RNF103: variants seen among roughly 807,000 people sequenced by gnomAD.
RNF103 encodes the protein E3 ubiquitin-protein ligase RNF103.
RNF103 carries 23 observed loss-of-function variants against 66.2 expected under a neutral mutation model. The ratio of observed to expected loss-of-function variants is 0.35; its 90% CI spans 0.25 to 0.49. The LOEUF (loss-of-function observed/expected upper bound fraction) is 0.49. RNF103 is among the 20% of genes least tolerant of loss of function. The pLI is 0.98. For synonymous variants in RNF103, 297 were observed against 289.9 expected (o/e 1.02, Z -0.25); for missense variants, 730 against 814.7 (o/e 0.90, Z 1.27).
In RNF103 at chr2:86,605,178, T is replaced by C. The variant is rs1678498522; in HGVS notation, c.723A>G (p.Ala241=). The C allele has an allele frequency of 6.2e-7, 1 of 1,613,810 alleles. No individual in the cohort carries two copies. The highest frequency in any genetic ancestry group is 8.5e-7 in the Non-Finnish European group (1 of 1,180,040). ...DQYWLKIYLF[A]NLDQPPAFFS... ...AGAAAGCTGGGGGCTGGTCAAGGTT[T>C]GCAAATAGGTATATTTTTAACCAAT... The change falls in exon 4 of 4, where the codon GCA becomes GCG. Residue 241 remains alanine, a synonymous_variant. Coordinates refer to ENST00000237455, the MANE Select transcript of RNF103 (RefSeq NM_005667.4).
chr2:86,623,864 A>G lies in RNF103; in HGVS notation c.-978T>C. The G allele has an allele frequency of 7.8e-7, 1 of 1,286,318 alleles. No homozygotes were observed. Among genetic ancestry groups the G allele is most frequent in the Non-Finnish European group, 1.0e-6 (1 of 987,054 alleles). 79.7% of individuals were successfully genotyped at this position (1,286,318 alleles called of 1,614,324 possible). ...CGGCCGCGGCCGGAGCCGAGACATA[A>G]CAACTGACGTCGCGATGAGGCGGGG... On this transcript the variant is annotated 5_prime_UTR_variant, in exon 1 of 4. Coordinates refer to ENST00000237455, the MANE Select transcript of RNF103 (RefSeq NM_005667.4).
intron 2 of RNF103, chr2:86,614,375 G>C (rs1408005668): frequency 6.6e-6 from 1 of 152,324 alleles, no homozygotes; most frequent in East Asian, 1.9e-4. Flanking sequence ...GCTGAGGCTG[G>C]TGGATCATTT....
rs1679313507 is a variant in RNF103, at chr2:86,623,376, G to C, written c.-490C>G. 34 of 980,380 alleles carry C rather than the reference G, an allele frequency of 3.5e-5. No individual in the cohort carries two copies. Among genetic ancestry groups the C allele is most frequent in the Non-Finnish European group, 4.1e-5 (34 of 826,640 alleles). 60.7% of individuals were successfully genotyped at this position (980,380 alleles called of 1,614,324 possible). A position where few individuals can be genotyped will look rare whatever the true frequency, so the allele number is the denominator to read the frequency against. On this transcript the variant is annotated 5_prime_UTR_variant, in exon 1 of 4. Coordinates refer to ENST00000237455, the MANE Select transcript of RNF103 (RefSeq NM_005667.4). ...CAGGCCGGGGCCCGAGGGGCCGTGGGGGCCGGACTCCCGCGGCCGCGGGTC... is the reference window on the plus strand; with the variant it reads ...CAGGCCGGGGCCCGAGGGGCCGTGGCGGCCGGACTCCCGCGGCCGCGGGTC...
At chr2:86,605,746 G>A (rs985983016) in intron 3 of RNF103, among the ~76,000 whole-genome samples, 2 of 151,474 alleles carry the variant, frequency 1.3e-5, no homozygotes, top group Non-Finnish European at 2.9e-5. Flanking sequence ...ATGTTCAGAA[G>A]GAATTTAAAA....
At chr2:86,615,558 C>T (rs190388998) in intron 2 of RNF103, among the ~76,000 whole-genome samples, 43 of 144,152 alleles carry the variant, frequency 3.0e-4, no homozygotes, top group African/African-American at 1.1e-3. Context: ...CACACACACA[C>T]TATGTCATAC....
At chr2:86,620,200 AAG>A (rs1679173090) in intron 2 of RNF103, 128 bp downstream of exon 2, 1 of 1,186,128 alleles carries the variant, frequency 8.4e-7, no homozygotes, top group African/African-American at 1.5e-5. Context: ...GAGCCTCCCT[AAG>A]AGAACTGAGT....
At chr2:86,617,278 T>C in intron 2 of RNF103, 1 of 985,438 alleles carries the variant, frequency 1.0e-6, no homozygotes, top group Non-Finnish European at 1.2e-6. Flanking sequence ...CTCATAGACT[T>C]AAAACAAATG....
chr2:86,612,831 C>G (rs193063657), intron 2 of RNF103: 1 of 152,262 alleles, frequency 6.6e-6, no homozygotes, highest in Admixed American at 6.5e-5. Flanking sequence ...ATGAACGGCT[C>G]TAACATACAA....
intron 3 of RNF103, among the ~76,000 whole-genome samples, chr2:86,608,026 A>G (rs1473485911): frequency 6.6e-6 from 1 of 152,170 alleles, no homozygotes; most frequent in African/African-American, 2.4e-5. Context: ...TTGCCAATTC[A>G]AAAAAAATTT....
intron 2 of RNF103, chr2:86,617,763 T>C (rs1184102230): frequency 2.9e-6 from 3 of 1,017,800 alleles, no homozygotes; most frequent in African/African-American, 1.7e-5. Flanking sequence ...CTGTTTCTAG[T>C]AGATATTTTC....
At chr2:86,616,128 C>T (rs931796591) in intron 2 of RNF103, among the ~76,000 whole-genome samples, 1 of 152,172 alleles carries the variant, frequency 6.6e-6, no homozygotes, top group Admixed American at 6.5e-5. Flanking sequence ...CTCAGTCAGA[C>T]ATAAAGATGT....
intron 3 of RNF103, among the ~76,000 whole-genome samples, chr2:86,605,961 G>C (rs561727565): frequency 2.0e-5 from 3 of 152,290 alleles, no homozygotes; most frequent in African/African-American, 4.8e-5. Flanking sequence ...TTTGGTGCAA[G>C]CTCCTTGAGG....
At position 86,612,255 on chromosome 2, in the gene RNF103, C is replaced by A; in HGVS notation, c.386G>T (p.Ser129Ile). Reference sequence around the variant, plus strand: ...CCAGTGAATTTTGCCCACCAAGGGACTTCTGTCATTTGCTATGACCTATTC... The same window carrying A: ...CCAGTGAATTTTGCCCACCAAGGGAATTCTGTCATTTGCTATGACCTATTC... Reference protein sequence around the residue: ...WLVQVIANDRSPLVGKIHWEK... With the variant: ...WLVQVIANDRIPLVGKIHWEK... Residue 129 changes from serine (S) to isoleucine (I), a missense_variant, in exon 3 of 4, where the codon AGT (serine) becomes ATT (isoleucine). Coordinates refer to ENST00000237455, the MANE Select transcript of RNF103 (RefSeq NM_005667.4). 1 of 1,612,690 alleles carries A rather than the reference C, an allele frequency of 6.2e-7. No homozygotes were observed. The highest frequency in any genetic ancestry group is 8.5e-7 in the Non-Finnish European group (1 of 1,179,232).
Position 86,612,220 on chromosome 2 carries a change from C to T in RNF103, c.421G>A (p.Val141Ile). 1.9e-6 allele frequency: 3 copies of T among 1,613,754 alleles called. No individual in the cohort carries two copies. Among genetic ancestry groups the T allele is most frequent in the Non-Finnish European group, 1.7e-6 (2 of 1,179,856 alleles). The change falls in exon 3 of 4, where the codon GTT becomes ATT. Residue 141 changes from valine to isoleucine, a missense_variant. Coordinates refer to ENST00000237455, the MANE Select transcript of RNF103 (RefSeq NM_005667.4). ...LVGKIHWEKMVKKVSRFGIRT... is the reference protein window; with the variant it reads ...LVGKIHWEKMIKKVSRFGIRT... ...ATTCCAAATCTTGACACCTTTTTAA[C>T]CATTTTCTCCCAGTGAATTTTGCCC... is the stretch of plus-strand genomic sequence containing the variant.
At chr2:86,617,929 C>T in intron 2 of RNF103, 2 of 811,976 alleles carry the variant, frequency 2.5e-6, no homozygotes, top group Non-Finnish European at 3.6e-6. Context: ...TCTTTCAGAC[C>T]AGGCCAGCCA....
At position 86,620,335 on chromosome 2, in the gene RNF103, C is replaced by T. The variant is rs769570215; in HGVS notation, c.361G>A (p.Val121Ile). Residue 121 changes from valine (V) to isoleucine (I), a missense_variant, in exon 2 of 4, where the codon GTT (valine) becomes ATT (isoleucine). Coordinates refer to ENST00000237455, the MANE Select transcript of RNF103 (RefSeq NM_005667.4). ...VEDTKDGIWL[V>I]QVIANDRSPL... is the part of the protein sequence containing the mutation. The stretch of plus-strand genomic sequence containing the variant: ...ATTATTACTGCTTTTCATACCTGAA[C>T]CAGCCAGATGCCATCTTTTGTGTCT... 6.3e-6 allele frequency: 10 copies of T among 1,597,926 alleles called. No homozygotes were observed. The highest frequency in any genetic ancestry group is 8.6e-6 in the Non-Finnish European group (10 of 1,169,386).
chr2:86,620,236 G>A, intron 2 of RNF103, 94 bp downstream of exon 2: 2 of 1,363,238 alleles, frequency 1.5e-6, no homozygotes, highest in Non-Finnish European at 1.9e-6. Flanking sequence ...CAAGACACAA[G>A]GACACGGAAG....
Position 86,604,210 on chromosome 2 carries a change from G to C in RNF103, c.1691C>G (p.Ser564Cys), listed in dbSNP as rs745940221. 3 of 1,613,840 alleles carry C rather than the reference G, an allele frequency of 1.9e-6. No homozygotes were observed. The highest frequency in any genetic ancestry group is 2.5e-6 in the Non-Finnish European group (3 of 1,180,032). ...ATCACAGTGACTTGCTGTTCCTGGA[G>C]AATTGTGAAGTACGCTTTGCTTATC... ...FEDKQSVLHNSPGTASHCDAE... is the reference protein window; with the variant it reads ...FEDKQSVLHNCPGTASHCDAE... Residue 564 changes from serine (S) to cysteine (C), a missense_variant, in exon 4 of 4, where the codon TCT (serine) becomes TGT (cysteine). Physicochemically the swap from Ser to Cys is moderately radical, Grantham distance 112. Coordinates refer to ENST00000237455, the MANE Select transcript of RNF103 (RefSeq NM_005667.4).
chr2:86,603,755 A>C lies in RNF103; in HGVS notation c.*88T>G, dbSNP rs1476022786. 6.6e-7 allele frequency: 1 copy of C among 1,505,872 alleles called. No homozygotes were observed. The highest frequency in any genetic ancestry group is 1.4e-5 in the African/African-American group (1 of 71,418). The allele number at this position is 1,505,872 out of a possible 1,614,324, so 93.3% of individuals were successfully genotyped here. ...CCCGTCACTGCACTAACATTAAACT[A>C]AACTTCAAACCACAAAAACATTGTG... On this transcript the variant is annotated 3_prime_UTR_variant, in exon 4 of 4. Transcript: ENST00000237455.
Sources: allele counts gnomAD v4.1 joint callset (sites outside exome capture counted in the v4.1 genomes callset), GRCh38; gene constraint gnomAD v4.1.1; transcripts MANE v1.5; gene names NCBI Gene and HGNC (gene_info 2026-07-23, HGNC 2026-07-21).